The following PPP1R12B variants were observed in gnomAD, a reference collection of about 807,000 sequenced individuals.
The protein encoded by PPP1R12B is myosin phosphatase target subunit 2.
In PPP1R12B, 76 loss-of-function variants were observed where a neutral mutation model predicts 126.1. That is an observed-to-expected ratio of 0.60 (90% CI 0.50 to 0.73). PPP1R12B has a LOEUF of 0.73. PPP1R12B is among the 30% of genes least tolerant of loss of function. The pLI is 0.00. For missense variants in PPP1R12B, 1,052 were observed against 1,205.1 expected (o/e 0.87, Z 1.88); for synonymous variants, 356 against 434.7 (o/e 0.82, Z 2.25).
intron 2 of PPP1R12B, chr1:202,417,328 G>T: frequency 2.0e-6 from 2 of 985,180 alleles, no homozygotes; most frequent in Non-Finnish European, 2.4e-6. Context: ...GATAAAAAAT[G>T]CCTAGCATAC....
At chr1:202,440,832 T>A (rs778430311) in intron 11 of PPP1R12B, 44 bp downstream of exon 11, 1 of 1,492,606 alleles carries the variant, frequency 6.7e-7, no homozygotes, top group Non-Finnish European at 9.3e-7. Context: ...TCCTCTTAGG[T>A]CTACTGGACA....
intron 1 of PPP1R12B, among the ~76,000 whole-genome samples, chr1:202,392,633 C>A (rs748527453): frequency 8.6e-5 from 13 of 151,540 alleles, no homozygotes; most frequent in Non-Finnish European, 1.5e-4. Flanking sequence ...GTGATGCTCC[C>A]ACCCCAGACT....
intron 19 of PPP1R12B, among the ~76,000 whole-genome samples, chr1:202,560,010 C>A (rs1455002811): frequency 6.6e-6 from 1 of 151,958 alleles, no homozygotes; most frequent in Non-Finnish European, 1.5e-5. Context: ...CATAGCCCCC[C>A]AAAAATCACA....
In PPP1R12B at chr1:202,535,055, ATGTG is replaced by A. The variant is rs145949486; in HGVS notation, c.2491-23798_2491-23795del. ...GATGGATGATTATGTGTGTGTGTGT[ATGTG>A]TGTGTGTGTGTGTGTGTGTGTGTAT... is the stretch of plus-strand genomic sequence containing the variant. On this transcript the variant is annotated intron_variant, in intron 18 of 23. Transcript: ENST00000608999. Among the ~76,000 whole-genome samples the A allele has an allele frequency of 4.1e-3, 605 of 146,114 alleles. 6 individuals are homozygous for A. The highest frequency in any genetic ancestry group is 0.014 in the African/African-American group (544 of 40,018).
chr1:202,442,665 C>A, intron 12 of PPP1R12B, 93 bp downstream of exon 12: 2 of 1,281,204 alleles, frequency 1.6e-6, no homozygotes, highest in South Asian at 1.9e-5. Flanking sequence ...CAATTAACAC[C>A]GCAGAAATGA....
At chr1:202,516,151 A>G (rs1376757436) in intron 18 of PPP1R12B, among the ~76,000 whole-genome samples, 6 of 152,248 alleles carry the variant, frequency 3.9e-5, no homozygotes, top group Admixed American at 2.0e-4. Context: ...TGTCTGGCAC[A>G]TAGTAAATTA....
In PPP1R12B at chr1:202,585,747, A is replaced by G. The variant is rs1354818305; in HGVS notation, c.*5187A>G. On this transcript the variant is annotated 3_prime_UTR_variant, in exon 24 of 24. Coordinates refer to ENST00000608999, the MANE Select transcript of PPP1R12B (RefSeq NM_002481.4). ...TTGAGGGTAATTGAATGATGTTGCA[A>G]TGGCTTTCCCTCCTGCTGGCTTGGT... 1 of 152,170 alleles carries G rather than the reference A, an allele frequency of 6.6e-6. No homozygotes were observed. Among genetic ancestry groups the G allele is most frequent in the Non-Finnish European group, 1.5e-5 (1 of 68,022 alleles). The allele number at this position is 152,170 out of a possible 1,614,324, so 9.4% of individuals were successfully genotyped here. A position where few individuals can be genotyped will look rare whatever the true frequency, so the allele number is the denominator to read the frequency against.
intron 13 of PPP1R12B, chr1:202,471,935 A>G: frequency 1.9e-6 from 3 of 1,596,922 alleles, no homozygotes; most frequent in Non-Finnish European, 2.5e-6. Flanking sequence ...GGCAGAGGAC[A>G]GTGGAGCAGC....
intron 5 of PPP1R12B, among the ~76,000 whole-genome samples, chr1:202,428,056 G>C (rs992968519): frequency 2.1e-4 from 30 of 144,906 alleles, no homozygotes; most frequent in African/African-American, 7.7e-4. Context: ...GTGATTCCCA[G>C]CCTTGCCACT....
chr1:202,452,288 C>T (rs1241681696), intron 13 of PPP1R12B, among the ~76,000 whole-genome samples: 4 of 152,250 alleles, frequency 2.6e-5, no homozygotes, highest in African/African-American at 9.6e-5. Flanking sequence ...GAGACTCCAT[C>T]TGCAATCCCG....
chr1:202,425,964 A>C (rs1231591436), intron 4 of PPP1R12B, among the ~76,000 whole-genome samples: 2 of 152,176 alleles, frequency 1.3e-5, no homozygotes, highest in East Asian at 3.8e-4. Flanking sequence ...GTTGAGGTAC[A>C]TGGTCCTAGG....
chr1:202,583,744 C>G lies in PPP1R12B; in HGVS notation c.*3184C>G, dbSNP rs1191576782. The G allele has an allele frequency of 6.6e-6, 1 of 152,136 alleles. No homozygotes were observed. The highest frequency in any genetic ancestry group is 1.5e-5 in the Non-Finnish European group (1 of 68,036). 9.4% of individuals were successfully genotyped at this position (152,136 alleles called of 1,614,324 possible). Reference sequence around the variant, plus strand: ...TCTTCAGTGGCCACAATCCTCAGTCCTCACCTGCTGGTTTGGAGACTCATG... The same window carrying G: ...TCTTCAGTGGCCACAATCCTCAGTCGTCACCTGCTGGTTTGGAGACTCATG... On this transcript the variant is annotated 3_prime_UTR_variant, in exon 24 of 24. Coordinates refer to ENST00000608999, the MANE Select transcript of PPP1R12B (RefSeq NM_002481.4).
At chr1:202,377,562 C>T (rs1661407039) in intron 1 of PPP1R12B, among the ~76,000 whole-genome samples, 2 of 152,034 alleles carry the variant, frequency 1.3e-5, no homozygotes, top group South Asian at 4.2e-4. Context: ...CCTCGGCCTC[C>T]CAAAGTGCTG....
At chr1:202,541,811 C>T (rs1685158958) in intron 18 of PPP1R12B, among the ~76,000 whole-genome samples, 1 of 152,144 alleles carries the variant, frequency 6.6e-6, no homozygotes, top group Non-Finnish European at 1.5e-5. Flanking sequence ...AGCTGCCATC[C>T]AACCTCCCTA....
intron 2 of PPP1R12B, among the ~76,000 whole-genome samples, chr1:202,417,977 T>G (rs181463456): frequency 6.6e-6 from 1 of 152,300 alleles, no homozygotes; most frequent in Non-Finnish European, 1.5e-5. Context: ...CAGAGAAACT[T>G]TAGGCAGCAG....
intron 1 of PPP1R12B, among the ~76,000 whole-genome samples, chr1:202,351,730 GCTT>G (rs1271141825): frequency 6.6e-6 from 1 of 152,174 alleles, no homozygotes; most frequent in Non-Finnish European, 1.5e-5. Flanking sequence ...CTGGATAATT[GCTT>G]CTTTTCTCTC....
chr1:202,455,291 T>C (rs1325593440), intron 13 of PPP1R12B, among the ~76,000 whole-genome samples: 2 of 152,206 alleles, frequency 1.3e-5, no homozygotes, highest in Admixed American at 6.5e-5. Context: ...TTCACAGATA[T>C]GTGGAGCCAT....
intron 1 of PPP1R12B, among the ~76,000 whole-genome samples, chr1:202,377,540 A>G (rs1267347297): frequency 1.3e-5 from 2 of 151,672 alleles, no homozygotes; most frequent in Admixed American, 6.6e-5. Flanking sequence ...TCCCGACACC[A>G]TGATCCGCCC....
chr1:202,425,512 C>A, intron 3 of PPP1R12B, 54 bp from the exon 4 acceptor site: 1 of 1,567,492 alleles, frequency 6.4e-7, no homozygotes, highest in South Asian at 1.1e-5. Flanking sequence ...AATATCCTGT[C>A]AAACTTAAGT....
Sources: allele counts gnomAD v4.1 joint callset (sites outside exome capture counted in the v4.1 genomes callset), GRCh38; gene constraint gnomAD v4.1.1; transcripts MANE v1.5; gene names NCBI Gene and HGNC (gene_info 2026-07-23, HGNC 2026-07-21).